Variants in SIPA1L1 observed in about 807,000 individuals in gnomAD.
The protein encoded by SIPA1L1 is signal induced proliferation associated 1 like 1.
A neutral mutation model predicts 162.7 loss-of-function variants in SIPA1L1; 26 were observed. The observed-to-expected ratio is 0.16, with a 90% confidence interval of 0.12 to 0.22. The LOEUF is 0.22. SIPA1L1 is among the 10% of genes least tolerant of loss of function. The pLI is 1.00. For synonymous variants in SIPA1L1, 829 were observed against 837.4 expected, an observed-to-expected ratio of 0.99 and a Z score of 0.17; for missense variants, 1,874 against 2,241.0, an observed-to-expected ratio of 0.84 and a Z score of 3.31.
chr14:71,729,850 C>T (rs937941601), intron 19 of SIPA1L1, among the ~76,000 whole-genome samples: 17 of 152,230 alleles, frequency 1.1e-4, no homozygotes, highest in African/African-American at 3.1e-4. Context: ...TGATAGACTG[C>T]AGGCAGCATG....
intron 19 of SIPA1L1, among the ~76,000 whole-genome samples, chr14:71,725,206 A>C (rs1194655925): frequency 6.6e-6 from 1 of 152,122 alleles, no homozygotes; most frequent in East Asian, 1.9e-4. Flanking sequence ...TAAGGGTTTT[A>C]CTGTCTTCTG....
chr14:71,694,056 AACTTGTC>A (rs2081441027), intron 13 of SIPA1L1, among the ~76,000 whole-genome samples: 3 of 152,234 alleles, frequency 2.0e-5, no homozygotes, highest in Non-Finnish European at 4.4e-5. Flanking sequence ...TTTTACCATC[AACTTGTC>A]ACTTAGAATT....
chr14:71,414,378 C>G (rs188967724), intron 2 of SIPA1L1, among the ~76,000 whole-genome samples: 91 of 151,866 alleles, frequency 6.0e-4, no homozygotes, highest in Non-Finnish European at 1.1e-3. Context: ...GACTCCATCT[C>G]AGGGAAAAAA....
intron 12 of SIPA1L1, among the ~76,000 whole-genome samples, 173 bp downstream of exon 12, chr14:71,672,795 T>C (rs940859496): frequency 6.6e-6 from 1 of 152,198 alleles, no homozygotes; most frequent in African/African-American, 2.4e-5. Context: ...CCTTTCAGTG[T>C]GTGGTGACAG....
intron 2 of SIPA1L1, among the ~76,000 whole-genome samples, chr14:71,510,443 C>T (rs1186557802): frequency 2.6e-5 from 4 of 152,138 alleles, no homozygotes; most frequent in Non-Finnish European, 5.9e-5. Flanking sequence ...CCAGGTCGGC[C>T]TCCCAAAATG....
chr14:71,500,362 G>A (rs2050109741), intron 2 of SIPA1L1, among the ~76,000 whole-genome samples: 1 of 152,106 alleles, frequency 6.6e-6, no homozygotes, highest in Non-Finnish European at 1.5e-5. Context: ...AAAAGAAGAT[G>A]CTCATTTGGA....
At position 71,377,578 on chromosome 14, in the gene SIPA1L1, G is replaced by C. The variant is rs191573312; in HGVS notation, c.-465+56397G>C. Among the ~76,000 whole-genome samples the C allele has an allele frequency of 4.6e-3, 698 of 152,286 alleles. 6 individuals carry two copies. The highest frequency in any genetic ancestry group is 6.8e-3 in the Middle Eastern group (2 of 294). ...CTCCTCACTTCCTACACGGGGTGGC[G>C]GCCGGGCAGAGGCTGCAATCTCAGC... On this transcript the variant is annotated intron_variant, in intron 2 of 23. Transcript: ENST00000381232. The surrounding 1 kb of genome is among the most constrained non-coding windows in gnomAD (Gnocchi z 4.8).
intron 2 of SIPA1L1, among the ~76,000 whole-genome samples, chr14:71,485,967 G>A (rs1348811656): frequency 1.3e-5 from 2 of 151,978 alleles, no homozygotes; most frequent in Non-Finnish European, 2.9e-5. Context: ...TCTTTCTGTT[G>A]GCCCTACTCA....
chr14:71,540,681 T>G (rs756186198), intron 4 of SIPA1L1, among the ~76,000 whole-genome samples: 1 of 152,268 alleles, frequency 6.6e-6, no homozygotes, highest in Non-Finnish European at 1.5e-5. Context: ...GAAAACATTC[T>G]GACTCTTGTT....
At chr14:71,332,038 T>A (rs191553711) in intron 2 of SIPA1L1, among the ~76,000 whole-genome samples, 49 of 152,308 alleles carry the variant, frequency 3.2e-4, no homozygotes, top group African/African-American at 1.2e-3. Flanking sequence ...GTATATTATT[T>A]GAAGGGACAT....
chr14:71,671,065 A>G (rs1048313392), intron 10 of SIPA1L1, 54 bp from the exon 11 acceptor site: 4 of 1,356,780 alleles, frequency 2.9e-6, no homozygotes, highest in African/African-American at 1.5e-5. Flanking sequence ...TTTTATTCTG[A>G]TGTTGTGAGA....
chr14:71,593,827 C>T (rs2035706401), intron 5 of SIPA1L1, among the ~76,000 whole-genome samples: 1 of 152,102 alleles, frequency 6.6e-6, no homozygotes, highest in Non-Finnish European at 1.5e-5. Context: ...TGTTGATAGG[C>T]TTGTCTTCAT....
At chr14:71,655,094 T>G (rs534872246) in intron 8 of SIPA1L1, among the ~76,000 whole-genome samples, 4 of 151,960 alleles carry the variant, frequency 2.6e-5, no homozygotes, top group Admixed American at 2.0e-4. Context: ...TGAGGTGGAG[T>G]AGGGTTCTCC....
chr14:71,605,534 C>T (rs528092255), intron 5 of SIPA1L1, among the ~76,000 whole-genome samples: 94 of 152,212 alleles, frequency 6.2e-4, no homozygotes, highest in African/African-American at 2.1e-3. Context: ...TTCATGGGGA[C>T]GGACTTTTTC....
rs530094835 is a variant in SIPA1L1 at position 71,736,969 on chromosome 14, C to T, written c.5124-1272C>T. On this transcript the variant is annotated intron_variant, in intron 22 of 23. Coordinates refer to ENST00000381232, the MANE Select transcript of SIPA1L1 (RefSeq NM_001386936.1). Reference sequence around the variant, plus strand: ...CAGCCTCGTTGTGTCTGTCCAGCACCGCCCCTTTTCTACCACATCCGTGGC... The same window carrying T: ...CAGCCTCGTTGTGTCTGTCCAGCACTGCCCCTTTTCTACCACATCCGTGGC... Among the ~76,000 whole-genome samples, 11 of 152,316 alleles carry T rather than the reference C, an allele frequency of 7.2e-5. No homozygotes were observed. In the East Asian group the frequency reaches 9.6e-4, roughly 13 times the overall value.
chr14:71,668,048 G>A (rs1314493037), intron 10 of SIPA1L1, among the ~76,000 whole-genome samples: 2 of 151,856 alleles, frequency 1.3e-5, no homozygotes, highest in East Asian at 1.9e-4. Context: ...CTGGGCAACA[G>A]AGTGAGACTC....
Position 71,705,360 on chromosome 14 carries a change from A to T in SIPA1L1, c.3765+20A>T, listed in dbSNP as rs549043890. ...GGGCATGTAAGTTAACTGTAAACTTAAAAAAGTATTAGATTCCTAGCAGTG... is the reference window on the plus strand; with the variant it reads ...GGGCATGTAAGTTAACTGTAAACTTTAAAAAGTATTAGATTCCTAGCAGTG... On this transcript the variant is annotated intron_variant, in intron 16 of 23. Coordinates refer to ENST00000381232, the MANE Select transcript of SIPA1L1 (RefSeq NM_001386936.1). 14 of 1,541,078 alleles carry T rather than the reference A, an allele frequency of 9.1e-6. No individual in the cohort carries two copies. The highest frequency in any genetic ancestry group is 1.7e-4 in the Middle Eastern group (1 of 5,924).
At chr14:71,446,267 T>C (rs2045334174) in intron 2 of SIPA1L1, among the ~76,000 whole-genome samples, 1 of 152,238 alleles carries the variant, frequency 6.6e-6, no homozygotes. Flanking sequence ...TTTGGGTTTC[T>C]AATATTTTTT....
intron 2 of SIPA1L1, among the ~76,000 whole-genome samples, chr14:71,486,407 C>T (rs546393899): frequency 1.7e-4 from 26 of 152,292 alleles, no homozygotes; most frequent in African/African-American, 6.3e-4. Flanking sequence ...TAGTTGTCTG[C>T]AAGAGGAGGG....
Sources: gnomAD v4.1 joint callset for allele counts (sites outside exome capture counted in the v4.1 genomes callset) on GRCh38, gnomAD v4.1.1 for gene constraint, Gnocchi (gnomAD v3.1) non-coding constraint, MANE v1.5 for transcripts, NCBI Gene and HGNC (gene_info 2026-07-23, HGNC 2026-07-21) for gene names.